Variants in CNTNAP2 observed in about 807,000 individuals in gnomAD.
The protein encoded by CNTNAP2 is contactin-associated protein-like 2.
Under a neutral mutation model 155.2 loss-of-function variants are expected in CNTNAP2, and 98 were observed. The observed-to-expected ratio is 0.63, with a 90% CI of 0.54 to 0.75. The LOEUF (loss-of-function observed/expected upper bound fraction) is 0.75. CNTNAP2 is among the 30% of genes least tolerant of loss of function. The pLI is 0.00. For missense variants in CNTNAP2, 1,727 were observed against 1,688.1 expected, an observed-to-expected ratio of 1.02 and a Z score of -0.40; for synonymous variants, 651 against 631.2, an observed-to-expected ratio of 1.03 and a Z score of -0.47.
At chr7:148,098,171 C>A (rs1043737919) in intron 15 of CNTNAP2, among the ~76,000 whole-genome samples, 10 of 152,022 alleles carry the variant, frequency 6.6e-5, no homozygotes, top group African/African-American at 2.4e-4. Context: ...AGAGGCTGGG[C>A]GCAGTGGCTC....
At chr7:146,466,225 A>G (rs1045488412) in intron 1 of CNTNAP2, among the ~76,000 whole-genome samples, 2 of 152,186 alleles carry the variant, frequency 1.3e-5, no homozygotes, top group Admixed American at 6.5e-5. Context: ...AAGCTGATAC[A>G]AAGTGAAGGA....
At chr7:146,375,117 G>C (rs563795668) in intron 1 of CNTNAP2, among the ~76,000 whole-genome samples, 1 of 152,158 alleles carries the variant, frequency 6.6e-6, no homozygotes, top group Admixed American at 6.5e-5. Context: ...ACTTCTTAAA[G>C]CAATGTCATT....
At chr7:146,197,643 A>G (rs185507473) in intron 1 of CNTNAP2, among the ~76,000 whole-genome samples, 212 of 152,296 alleles carry the variant, frequency 1.4e-3, no homozygotes, top group African/African-American at 4.9e-3. Flanking sequence ...TAATCATTCA[A>G]TTGTTCTTCA....
At chr7:147,304,122 G>C (rs545628229) in intron 9 of CNTNAP2, among the ~76,000 whole-genome samples, 2 of 152,090 alleles carry the variant, frequency 1.3e-5, no homozygotes, top group African/African-American at 2.4e-5. Context: ...TTATCTCTCT[G>C]TGCTTGCTCC....
intron 13 of CNTNAP2, among the ~76,000 whole-genome samples, chr7:147,781,939 C>G (rs1406365039): frequency 2.0e-5 from 3 of 151,516 alleles, no homozygotes; most frequent in Admixed American, 2.0e-4. Context: ...AGGAGAATGG[C>G]GTGAACCCAG....
At chr7:148,187,020 G>T (rs561228507) in intron 18 of CNTNAP2, among the ~76,000 whole-genome samples, 1 of 151,956 alleles carries the variant, frequency 6.6e-6, no homozygotes, top group Admixed American at 6.6e-5. Context: ...ACTCAGGGCA[G>T]GCCTAAGTCC....
intron 3 of CNTNAP2, among the ~76,000 whole-genome samples, chr7:146,999,461 G>A (rs1234896210): frequency 6.6e-6 from 1 of 151,904 alleles, no homozygotes; most frequent in African/African-American, 2.4e-5. Context: ...AAAATATTCT[G>A]AATTTTTGTG....
intron 1 of CNTNAP2, among the ~76,000 whole-genome samples, chr7:146,310,096 G>A (rs1330079020): frequency 6.6e-6 from 1 of 151,978 alleles, no homozygotes; most frequent in East Asian, 1.9e-4. Flanking sequence ...AACTAAACTT[G>A]GTATTTTTAA....
intron 1 of CNTNAP2, among the ~76,000 whole-genome samples, chr7:146,378,399 A>G (rs1029482803): frequency 6.6e-6 from 1 of 151,874 alleles, no homozygotes; most frequent in Non-Finnish European, 1.5e-5. Context: ...GATGATGGTG[A>G]TGATGATGAT....
intron 3 of CNTNAP2, among the ~76,000 whole-genome samples, chr7:146,934,171 G>A (rs1468675733): frequency 6.6e-6 from 1 of 151,850 alleles, no homozygotes; most frequent in African/African-American, 2.4e-5. Flanking sequence ...ATTCACAATA[G>A]CAAAGACTTG....
intron 1 of CNTNAP2, among the ~76,000 whole-genome samples, chr7:146,569,929 A>G (rs765204711): frequency 2.0e-5 from 3 of 152,188 alleles, no homozygotes; most frequent in Non-Finnish European, 4.4e-5. Context: ...GTAGCTTTCT[A>G]TGGATCTGAC....
chr7:146,689,806 A>G (rs1340133503), intron 1 of CNTNAP2, among the ~76,000 whole-genome samples: 1 of 152,088 alleles, frequency 6.6e-6, no homozygotes, highest in Non-Finnish European at 1.5e-5. Flanking sequence ...TTTTATGTGA[A>G]TATACTACAT....
intron 1 of CNTNAP2, among the ~76,000 whole-genome samples, chr7:146,509,194 C>A (rs957809183): frequency 6.6e-6 from 1 of 152,172 alleles, no homozygotes; most frequent in Non-Finnish European, 1.5e-5. Context: ...TTTATGACTG[C>A]CATTTACTCA....
chr7:147,161,236 A>G (rs958885724), intron 8 of CNTNAP2, among the ~76,000 whole-genome samples: 4 of 152,142 alleles, frequency 2.6e-5, no homozygotes, highest in African/African-American at 4.8e-5. Context: ...CATGCAATAT[A>G]TGAAGTACCA....
At chr7:147,369,520 G>A (rs6464794) in intron 9 of CNTNAP2, among the ~76,000 whole-genome samples, 5,565 of 151,960 alleles carry the variant, frequency 0.037, 357 homozygotes, top group African/African-American at 0.13. Flanking sequence ...TTTCTTTCTC[G>A]CTCCCTTACT....
At position 146,878,550 on chromosome 7, in the gene CNTNAP2, C is replaced by T. The variant is rs532610944; in HGVS notation, c.402+38646C>T. On this transcript the variant is annotated intron_variant, in intron 3 of 23. Coordinates refer to ENST00000361727, the MANE Select transcript of CNTNAP2 (RefSeq NM_014141.6). The stretch of plus-strand genomic sequence containing the variant: ...TATCTTTTTAATATCATAAAGCAGA[C>T]GCTGTCATTCTCTTTTGAAAAAATT... Among the ~76,000 whole-genome samples, 11 of 151,952 alleles carry T rather than the reference C, an allele frequency of 7.2e-5. No homozygotes were observed. In the South Asian group the frequency reaches 1.5e-3, roughly 20 times the overall value.
intron 12 of CNTNAP2, among the ~76,000 whole-genome samples, chr7:147,583,512 A>ATATATATATATACATATATATATATG (rs1173331352): frequency 7.0e-6 from 1 of 143,388 alleles, no homozygotes; most frequent in African/African-American, 2.7e-5. Flanking sequence ...ACATATATAT[A>ATATATATATATACATATATATATATG]TATATATATA....
rs1288137001 is a variant in CNTNAP2 at position 148,165,041 on chromosome 7, C to A, written c.2774-7201C>A. Reference sequence around the variant, plus strand: ...GTCTAGATCAGCCCGAGCCTGATAACCCTTCCTCATTGTCTTGGTCTGCTT... The same window carrying A: ...GTCTAGATCAGCCCGAGCCTGATAAACCTTCCTCATTGTCTTGGTCTGCTT... On this transcript the variant is annotated intron_variant, in intron 17 of 23. Coordinates refer to ENST00000361727, the MANE Select transcript of CNTNAP2 (RefSeq NM_014141.6). Among the ~76,000 whole-genome samples the A allele has an allele frequency of 2.6e-5, 4 of 152,090 alleles. No individual in the cohort carries two copies. The East Asian group carries it at 7.7e-4, about 29-fold the overall frequency.
chr7:148,389,701 C>T (rs376213073), intron 22 of CNTNAP2: 1 of 152,028 alleles, frequency 6.6e-6, no homozygotes, highest in African/African-American at 2.4e-5. Flanking sequence ...TTTCTCTGAA[C>T]ATGTGGAGCA....
Sources: allele counts gnomAD v4.1 joint callset (sites outside exome capture counted in the v4.1 genomes callset), GRCh38; gene constraint gnomAD v4.1.1; transcripts MANE v1.5; gene names NCBI Gene and HGNC (gene_info 2026-07-23, HGNC 2026-07-21).